Variants in POU6F2 observed in about 807,000 individuals in gnomAD.
POU6F2 encodes the protein POU domain, class 6, transcription factor 2.
POU6F2 carries 31 observed loss-of-function variants against 71.3 expected under a neutral mutation model. The observed-to-expected ratio is 0.43, with a 90% confidence interval of 0.33 to 0.59. The LOEUF is 0.59. POU6F2 is among the 20% of genes least tolerant of loss of function. The probability of loss-of-function intolerance (pLI) is 0.04; values close to 1 mark genes in which losing one functional copy is unlikely to be tolerated. For missense variants in POU6F2, 783 were observed against 856.8 expected (o/e 0.91, Z 1.07); for synonymous variants, 347 against 355.7 (o/e 0.98, Z 0.27).
At chr7:39,014,555 G>A (rs539426040) in intron 1 of POU6F2, among the ~76,000 whole-genome samples, 117 of 152,308 alleles carry the variant, frequency 7.7e-4, no homozygotes, top group South Asian at 2.7e-3. Context: ...TGCAAGGCAA[G>A]TCTTAATTCA....
Position 39,313,396 on chromosome 7 carries a change from T to C in POU6F2, c.599-26246T>C, listed in dbSNP as rs376133220. Among the ~76,000 whole-genome samples the C allele has an allele frequency of 1.1e-3, 173 of 152,254 alleles. 1 individual carries two copies. In the South Asian group the frequency reaches 0.028, roughly 25 times the overall value. On this transcript the variant is annotated intron_variant, in intron 4 of 9. Transcript: ENST00000518318. ...TCTCTTCTCTGCTTGATTTTTCTCC[T>C]TGGCAATTATTCCCATCTAGCTTAC...
At chr7:39,231,618 C>G (rs73378991) in intron 4 of POU6F2, among the ~76,000 whole-genome samples, 3,711 of 152,200 alleles carry the variant, frequency 0.024, 91 homozygotes, top group African/African-American at 0.064. Context: ...GTCTCTATGA[C>G]TGATCCTGGC....
intron 2 of POU6F2, among the ~76,000 whole-genome samples, chr7:39,136,576 A>C (rs34731578): frequency 0.03 from 4,519 of 152,308 alleles, 91 homozygotes; most frequent in Middle Eastern, 0.078. Flanking sequence ...GCTTTTAAGA[A>C]GGCAATTTTA....
intron 4 of POU6F2, among the ~76,000 whole-genome samples, chr7:39,309,575 T>C (rs557911266): frequency 2.6e-5 from 4 of 152,338 alleles, no homozygotes; most frequent in Admixed American, 6.5e-5. Flanking sequence ...AAATTTTTTT[T>C]CCTCAGGTTC....
At chr7:39,151,254 CA>C (rs77838537) in intron 2 of POU6F2, among the ~76,000 whole-genome samples, 16,999 of 152,210 alleles carry the variant, frequency 0.11, 1,032 homozygotes, top group Middle Eastern at 0.15. Flanking sequence ...TCCCATACAG[CA>C]TTTTACAAAG....
intron 4 of POU6F2, among the ~76,000 whole-genome samples, chr7:39,226,174 T>C (rs927813463): frequency 5.3e-5 from 8 of 152,130 alleles, no homozygotes; most frequent in Non-Finnish European, 1.0e-4. Context: ...AAAAAGTAGA[T>C]GGTGATCTAG....
At chr7:39,039,676 C>T (rs1449219501) in intron 1 of POU6F2, among the ~76,000 whole-genome samples, 2 of 150,400 alleles carry the variant, frequency 1.3e-5, no homozygotes, top group African/African-American at 4.9e-5. Flanking sequence ...TTGATAGTCG[C>T]AAATAAAACA....
intron 4 of POU6F2, among the ~76,000 whole-genome samples, chr7:39,228,940 T>G (rs1273450480): frequency 6.6e-6 from 1 of 152,214 alleles, no homozygotes; most frequent in East Asian, 1.9e-4. Flanking sequence ...GTAAACACAC[T>G]CTGGGGACCA....
At chr7:39,073,774 A>G (rs1790939461) in intron 1 of POU6F2, among the ~76,000 whole-genome samples, 1 of 152,254 alleles carries the variant, frequency 6.6e-6, no homozygotes, top group South Asian at 2.1e-4. Context: ...CCACATTAGC[A>G]GTTCCCAGCG....
chr7:39,393,218 T>C (rs1177659543), intron 5 of POU6F2, among the ~76,000 whole-genome samples: 1 of 152,224 alleles, frequency 6.6e-6, no homozygotes, highest in Non-Finnish European at 1.5e-5. Context: ...CCTCTGAGCA[T>C]TCTAGTCATG....
chr7:39,379,170 TGA>T (rs988720631), intron 5 of POU6F2, among the ~76,000 whole-genome samples: 6 of 152,148 alleles, frequency 3.9e-5, no homozygotes, highest in African/African-American at 7.2e-5. Flanking sequence ...TTGAACAAGC[TGA>T]GTTTTAGGTG....
intron 5 of POU6F2, among the ~76,000 whole-genome samples, chr7:39,381,568 C>CT (rs560417271): frequency 6.6e-6 from 1 of 152,070 alleles, no homozygotes; most frequent in Non-Finnish European, 1.5e-5. Flanking sequence ...TTAAAAACTT[C>CT]TTTTTCCACC....
At chr7:39,161,804 AG>A in intron 2 of POU6F2, among the ~76,000 whole-genome samples, 1 of 152,212 alleles carries the variant, frequency 6.6e-6, no homozygotes, top group East Asian at 1.9e-4. Flanking sequence ...TATGCAAAAC[AG>A]GAGGTAGACT....
At chr7:39,190,381 A>C (rs890619739) in intron 2 of POU6F2, among the ~76,000 whole-genome samples, 1 of 134,824 alleles carries the variant, frequency 7.4e-6, no homozygotes, top group African/African-American at 2.8e-5. Context: ...CTCAGGTTTG[A>C]ATCCCAACTC....
chr7:39,130,428 G>A (rs1280952673), intron 2 of POU6F2, among the ~76,000 whole-genome samples: 1 of 152,122 alleles, frequency 6.6e-6, no homozygotes, highest in Non-Finnish European at 1.5e-5. Flanking sequence ...GACAGTACAT[G>A]GAACAGCATC....
At chr7:39,044,531 GT>G (rs1790251588) in intron 1 of POU6F2, among the ~76,000 whole-genome samples, 1 of 151,900 alleles carries the variant, frequency 6.6e-6, no homozygotes, top group African/African-American at 2.4e-5. Context: ...AAAAGACGTT[GT>G]TTTTCTGAGA....
At chr7:39,330,062 A>G (rs1785607605) in intron 4 of POU6F2, among the ~76,000 whole-genome samples, 1 of 152,208 alleles carries the variant, frequency 6.6e-6, no homozygotes, top group Admixed American at 6.5e-5. Flanking sequence ...GTTCTCAGCC[A>G]TCCTCCTCTC....
chr7:39,132,893 A>G (rs1294499411), intron 2 of POU6F2, among the ~76,000 whole-genome samples: 1 of 152,084 alleles, frequency 6.6e-6, no homozygotes, highest in African/African-American at 2.4e-5. Context: ...CTCATTAGTG[A>G]CATGGAAATG....
intron 1 of POU6F2, among the ~76,000 whole-genome samples, chr7:38,985,834 G>A (rs895620090): frequency 3.3e-5 from 5 of 152,062 alleles, no homozygotes; most frequent in African/African-American, 1.2e-4. Flanking sequence ...ATATTCAGAA[G>A]GTTTCTGGGA....
Sources: gnomAD v4.1 joint callset for allele counts (sites outside exome capture counted in the v4.1 genomes callset) on GRCh38, gnomAD v4.1.1 for gene constraint, MANE v1.5 for transcripts, NCBI Gene and HGNC (gene_info 2026-07-23, HGNC 2026-07-21) for gene names.